TRHDE: variants seen among roughly 807,000 people sequenced by gnomAD.
TRHDE encodes the protein thyrotropin releasing hormone degrading enzyme, also known as thyrotropin-releasing hormone-degrading ectoenzyme.
A neutral mutation model predicts 125.7 loss-of-function variants in TRHDE; 72 were observed. The ratio of observed to expected loss-of-function variants is 0.57; its 90% CI spans 0.47 to 0.70. The LOEUF (loss-of-function observed/expected upper bound fraction) is 0.70. Among genes scored for constraint, TRHDE ranks in the 30% least tolerant of loss-of-function variants. The pLI is 0.00. For synonymous variants in TRHDE, 509 were observed against 509.1 expected (o/e 1.00, Z 0.00); for missense variants, 1,110 against 1,327.1 (o/e 0.84, Z 2.54).
intron 2 of TRHDE, among the ~76,000 whole-genome samples, chr12:72,114,976 G>C (rs1875408268): frequency 6.6e-6 from 1 of 151,700 alleles, no homozygotes; most frequent in Admixed American, 6.6e-5. Flanking sequence ...TGGGTATATA[G>C]CAGGTACATA....
At chr12:72,629,604 GCATT>G (rs1565815803) in intron 15 of TRHDE, among the ~76,000 whole-genome samples, 1 of 151,548 alleles carries the variant, frequency 6.6e-6, no homozygotes. Context: ...ATAATAATAA[GCATT>G]ATTATTTGCT....
At chr12:72,359,947 C>A (rs1243411498) in intron 2 of TRHDE, among the ~76,000 whole-genome samples, 1 of 151,438 alleles carries the variant, frequency 6.6e-6, no homozygotes, top group Non-Finnish European at 1.5e-5. Context: ...TATGAAGAGG[C>A]CAGTATAGAT....
At chr12:72,226,948 A>C (rs1230665225) in intron 2 of TRHDE, among the ~76,000 whole-genome samples, 1 of 152,230 alleles carries the variant, frequency 6.6e-6, no homozygotes, top group African/African-American at 2.4e-5. Context: ...GGAACACAGC[A>C]ATTAAGCACC....
chr12:72,137,510 T>C (rs777265509), intron 2 of TRHDE: 1 of 152,220 alleles, frequency 6.6e-6, no homozygotes, highest in African/African-American at 2.4e-5. Flanking sequence ...CTAATGCCCT[T>C]CCAACCTCAT....
At chr12:72,175,674 C>T (rs553046861) in intron 2 of TRHDE, among the ~76,000 whole-genome samples, 1 of 152,194 alleles carries the variant, frequency 6.6e-6, no homozygotes, top group Non-Finnish European at 1.5e-5. Context: ...ATAATTGTAA[C>T]TCTTTACCTA....
chr12:72,437,102 C>T (rs779203994), intron 3 of TRHDE, among the ~76,000 whole-genome samples: 26 of 151,760 alleles, frequency 1.7e-4, no homozygotes, highest in Admixed American at 1.5e-3. Flanking sequence ...AGCTATAGCA[C>T]GATCTTGGAC....
chr12:72,521,749 A>G (rs547327606), intron 6 of TRHDE, among the ~76,000 whole-genome samples: 5 of 152,318 alleles, frequency 3.3e-5, no homozygotes, highest in Non-Finnish European at 5.9e-5. Flanking sequence ...GAAATGTGCA[A>G]ACATTTATTG....
chr12:72,166,855 A>G (rs567115733), intron 2 of TRHDE, among the ~76,000 whole-genome samples: 8 of 152,086 alleles, frequency 5.3e-5, no homozygotes, highest in Admixed American at 6.6e-5. Flanking sequence ...ACATACAGTG[A>G]TAAATCTAAT....
intron 12 of TRHDE, among the ~76,000 whole-genome samples, chr12:72,589,950 T>G (rs1378166016): frequency 6.6e-6 from 1 of 152,016 alleles, no homozygotes; most frequent in Non-Finnish European, 1.5e-5. Flanking sequence ...CTTTACTGTT[T>G]CTAGTTTTTT....
intron 12 of TRHDE, among the ~76,000 whole-genome samples, chr12:72,586,178 T>C (rs1339818470): frequency 6.6e-6 from 1 of 152,218 alleles, no homozygotes; most frequent in Non-Finnish European, 1.5e-5. Flanking sequence ...ATAAGCATTT[T>C]ACATTATTTT....
At chr12:72,522,485 T>A (rs1028789933) in intron 6 of TRHDE, among the ~76,000 whole-genome samples, 1 of 152,222 alleles carries the variant, frequency 6.6e-6, no homozygotes, top group Admixed American at 6.5e-5. Context: ...ACAGAAGCTT[T>A]AAAGTAGTCT....
intron 2 of TRHDE, among the ~76,000 whole-genome samples, chr12:72,330,402 T>C (rs1477463862): frequency 6.6e-6 from 1 of 151,222 alleles, no homozygotes; most frequent in Non-Finnish European, 1.5e-5. Context: ...AGTTGGTTCA[T>C]GTGGCCACAG....
At chr12:72,615,153 T>G (rs2136073110) in intron 12 of TRHDE, among the ~76,000 whole-genome samples, 1 of 152,234 alleles carries the variant, frequency 6.6e-6, no homozygotes, top group Admixed American at 6.5e-5. Flanking sequence ...AAATCATCTC[T>G]TATGCTCATC....
At chr12:72,283,283 C>G (rs7295741) in intron 1 of TRHDE, among the ~76,000 whole-genome samples, 10 of 151,912 alleles carry the variant, frequency 6.6e-5, no homozygotes, top group Non-Finnish European at 1.2e-4. Flanking sequence ...ACCAATCACA[C>G]TTGGGGAATA....
At chr12:72,200,947 C>A (rs1469055778) in intron 2 of TRHDE, among the ~76,000 whole-genome samples, 3 of 152,136 alleles carry the variant, frequency 2.0e-5, no homozygotes, top group African/African-American at 7.2e-5. Context: ...CTAAACTGAG[C>A]CTTAGCAAGA....
chr12:72,228,038 C>G (rs773826945), intron 2 of TRHDE, among the ~76,000 whole-genome samples: 5 of 152,316 alleles, frequency 3.3e-5, no homozygotes, highest in Non-Finnish European at 7.4e-5. Flanking sequence ...TTTCCAGGTG[C>G]ACAGTGCAAG....
At chr12:72,090,286 T>A (rs1346419819) in intron 1 of TRHDE, among the ~76,000 whole-genome samples, 1 of 152,152 alleles carries the variant, frequency 6.6e-6, no homozygotes, top group African/African-American at 2.4e-5. Context: ...GAGACTACTT[T>A]TAAGTAATTA....
chr12:72,511,718 TTCA>T (rs1467190951), intron 6 of TRHDE, among the ~76,000 whole-genome samples: 3 of 152,134 alleles, frequency 2.0e-5, no homozygotes, highest in Non-Finnish European at 4.4e-5. Flanking sequence ...ATTTCACCGA[TTCA>T]TCATCATTTA....
At chr12:72,376,965 A>G (rs1871914172) in intron 2 of TRHDE, among the ~76,000 whole-genome samples, 1 of 152,064 alleles carries the variant, frequency 6.6e-6, no homozygotes, top group Non-Finnish European at 1.5e-5. Context: ...AAAGCACTTT[A>G]GCAGCCAGCT....
Sources: gnomAD v4.1 joint callset for allele counts (sites outside exome capture counted in the v4.1 genomes callset) on GRCh38, gnomAD v4.1.1 for gene constraint, MANE v1.5 for transcripts, NCBI Gene and HGNC (gene_info 2026-07-23, HGNC 2026-07-21) for gene names.